CLBA1: variants seen among roughly 807,000 people sequenced by gnomAD.
The protein encoded by CLBA1 is clathrin binding box of aftiphilin containing 1.
CLBA1 carries 30 observed loss-of-function variants against 28.8 expected under a neutral mutation model. The ratio of observed to expected loss-of-function variants is 1.04; its 90% CI spans 0.78 to 1.41. The LOEUF is 1.41. CLBA1 is among the 40% of genes most tolerant of loss of function. The pLI, the probability that CLBA1 is intolerant of heterozygous loss-of-function variation, is 0.00. For missense variants in CLBA1, 451 were observed against 412.3 expected (o/e 1.09, Z -0.81); for synonymous variants, 160 against 152.8 (o/e 1.05, Z -0.35).
chr14:104,999,252 C>G (rs1303051366), downstream of CLBA1: 2 of 984,536 alleles, frequency 2.0e-6, no homozygotes, highest in East Asian at 2.3e-4. Context: ...ATCACCTGAC[C>G]TGAGTGACAC....
rs763494875 is a variant in CLBA1 at position 104,991,523 on chromosome 14, A to G, written c.602A>G (p.Gln201Arg). The G allele has an allele frequency of 7.4e-6, 12 of 1,614,114 alleles. No individual in the cohort carries two copies. The highest frequency in any genetic ancestry group is 1.0e-5 in the Non-Finnish European group (12 of 1,179,934). The change falls in exon 3 of 5, where the codon CAG becomes CGG. Residue 201 changes from glutamine to arginine, a missense_variant. Coordinates refer to ENST00000547315, the MANE Select transcript of CLBA1 (RefSeq NM_174891.4). ...TCCAGAAAACTCTGGAGAGCCCTTC[A>G]GAGCATACACACCACGTCTACTTCT... ...NESRKLWRALQSIHTTSTSQR... is the reference protein window; with the variant it reads ...NESRKLWRALRSIHTTSTSQR...
chr14:105,000,667 A>C (rs1169364052), intron 2 of CLBA1, among the ~76,000 whole-genome samples: 9 of 152,310 alleles, frequency 5.9e-5, no homozygotes, highest in African/African-American at 1.9e-4. Flanking sequence ...GCTCCATATC[A>C]GTAATCATCA....
At position 104,986,084 on chromosome 14, in the gene CLBA1, C is replaced by G. The variant is rs914398103; in HGVS notation, c.-348C>G. On this transcript the variant is annotated 5_prime_UTR_variant, in exon 1 of 5. Transcript: ENST00000547315. ...GCTCCTCTGGCCAGCGTGGGCCTCC[C>G]AGGCCCCCTCGCGGCTCTCTCCAGA... is the stretch of plus-strand genomic sequence containing the variant. The G allele has an allele frequency of 8.7e-5, 28 of 320,366 alleles. No individual in the cohort carries two copies. The highest frequency in any genetic ancestry group is 9.9e-4 in the Middle Eastern group (1 of 1,014). 19.8% of individuals were successfully genotyped at this position (320,366 alleles called of 1,614,324 possible). A position where few individuals can be genotyped will look rare whatever the true frequency, so the allele number is the denominator to read the frequency against.
At position 104,985,907 on chromosome 14, in the gene CLBA1, G is replaced by A. The variant is rs1899840707; in HGVS notation, c.-525G>A. ...GGTGCGGGGACTCTCGGGAGCCGTGGGCCAGGCGCTTAGCCGGCCACCTCG... is the reference window on the plus strand; with the variant it reads ...GGTGCGGGGACTCTCGGGAGCCGTGAGCCAGGCGCTTAGCCGGCCACCTCG... On this transcript the variant is annotated 5_prime_UTR_variant, in exon 1 of 5. Coordinates refer to ENST00000547315, the MANE Select transcript of CLBA1 (RefSeq NM_174891.4). The A allele has an allele frequency of 4.8e-6, 1 of 208,110 alleles. No homozygotes were observed. The highest frequency in any genetic ancestry group is 1.0e-5 in the Non-Finnish European group (1 of 97,388). 12.9% of individuals were successfully genotyped at this position (208,110 alleles called of 1,614,324 possible).
At chr14:104,988,087 CA>C (rs1899917796) in intron 1 of CLBA1, among the ~76,000 whole-genome samples, 1 of 151,498 alleles carries the variant, frequency 6.6e-6, no homozygotes, top group Non-Finnish European at 1.5e-5. Flanking sequence ...TGAAATTTCA[CA>C]AGAAAGAGTA....
chr14:104,988,396 A>G (rs1467273241), intron 1 of CLBA1, among the ~76,000 whole-genome samples: 1 of 149,838 alleles, frequency 6.7e-6, no homozygotes, highest in East Asian at 2.0e-4. Context: ...GCAGTGGCAC[A>G]ATCTCGGCTC....
intron 4 of CLBA1, chr14:104,993,720 G>A: frequency 5.1e-6 from 5 of 985,444 alleles, no homozygotes; most frequent in Non-Finnish European, 6.0e-6. Context: ...GAGATGGCCA[G>A]GCCTAGCTCA....
downstream of CLBA1, among the ~76,000 whole-genome samples, chr14:104,995,873 A>C (rs1265275740): frequency 2.6e-5 from 4 of 151,972 alleles, no homozygotes; most frequent in African/African-American, 9.7e-5. Context: ...TTTATTTTTC[A>C]TTTTCAGCCA....
chr14:104,993,273 G>A (rs1327596057), intron 4 of CLBA1: 4 of 985,416 alleles, frequency 4.1e-6, no homozygotes, highest in Non-Finnish European at 3.6e-6. Context: ...AATACCATCC[G>A]GAAAGACTCT....
intron 4 of CLBA1, chr14:104,993,493 ACCCT>A (rs1474313735): frequency 6.1e-6 from 6 of 985,230 alleles, no homozygotes. Context: ...CGGGCCGCTT[ACCCT>A]ACACAGGGTC....
Position 104,994,622 on chromosome 14 carries a change from CA to C in CLBA1, c.842del (p.Gln281ArgfsTer4), listed in dbSNP as rs1566934297. 6.2e-7 allele frequency: 1 copy of C among 1,611,694 alleles called. No individual in the cohort carries two copies. The highest frequency in any genetic ancestry group is 1.1e-5 in the South Asian group (1 of 91,028). On this transcript the variant is annotated frameshift_variant, in exon 5 of 5. Coordinates refer to ENST00000547315, the MANE Select transcript of CLBA1 (RefSeq NM_174891.4). LOFTEE classifies it low-confidence loss of function (END_TRUNC). Reference protein sequence around the residue: ...TKLSGPPGSKQGRLMTCSRFL... With the variant: ...TKLSGPPGSKXGRLMTCSRFL... ...GCTCTCGGGGCCGCCTGGCAGCAAA[CA>C]GGGGAGGCTGATGACATGCAGCCGC...
rs2140897125 is a variant in CLBA1, at chr14:104,991,507, C to T, written c.586C>T (p.Leu196Phe). Residue 196 changes from leucine (L) to phenylalanine (F), a missense_variant, in exon 3 of 5, where the codon CTC becomes TTC. By Grantham distance (22) the Leu-to-Phe change is conservative. Coordinates refer to ENST00000547315, the MANE Select transcript of CLBA1 (RefSeq NM_174891.4). ...GTTTTCCAGTAACGAATCCAGAAAACTCTGGAGAGCCCTTCAGAGCATACA... is the reference window on the plus strand; with the variant it reads ...GTTTTCCAGTAACGAATCCAGAAAATTCTGGAGAGCCCTTCAGAGCATACA... ...VHKLCNESRKLWRALQSIHTT... is the reference protein window; with the variant it reads ...VHKLCNESRKFWRALQSIHTT... 6.2e-7 allele frequency: 1 copy of T among 1,614,004 alleles called. No individual in the cohort carries two copies. Among genetic ancestry groups the T allele is most frequent in the Non-Finnish European group, 8.5e-7 (1 of 1,179,874 alleles).
At chr14:104,989,601 C>T (rs1429584368) in intron 2 of CLBA1, 1 of 456,084 alleles carries the variant, frequency 2.2e-6, no homozygotes, top group Non-Finnish European at 4.4e-6. Flanking sequence ...GAAAGTGCAC[C>T]CGCAGTCACT....
chr14:104,996,772 A>G (rs932932682), downstream of CLBA1, among the ~76,000 whole-genome samples: 2 of 152,140 alleles, frequency 1.3e-5, no homozygotes, highest in South Asian at 2.1e-4. Flanking sequence ...CACTGTGCTC[A>G]AAGCTCAGAC....
chr14:104,992,892 A>C, intron 3 of CLBA1, 56 bp from the exon 4 acceptor site: 1 of 1,383,934 alleles, frequency 7.2e-7, no homozygotes, highest in Non-Finnish European at 1.0e-6. Context: ...GGGGAAAAGG[A>C]AACAGGAGAC....
chr14:104,994,522 G>T (rs1900119642), intron 4 of CLBA1, 76 bp from the exon 5 acceptor site: 1 of 1,509,946 alleles, frequency 6.6e-7, no homozygotes, highest in South Asian at 1.3e-5. Context: ...GCAGGGGGCG[G>T]CCAGGGGCAA....
chr14:104,992,885 GA>G, intron 3 of CLBA1, 62 bp from the exon 4 acceptor site: 5 of 1,335,406 alleles, frequency 3.7e-6, no homozygotes, highest in Non-Finnish European at 5.4e-6. Flanking sequence ...GGGCTCAGGG[GA>G]AAAGGAAACA....
Position 104,994,655 on chromosome 14 carries a change from A to T in CLBA1, c.874A>T (p.Lys292Ter), listed in dbSNP as rs377495026. 7 of 1,613,960 alleles carry T rather than the reference A, an allele frequency of 4.3e-6. No individual in the cohort carries two copies. The highest frequency in any genetic ancestry group is 5.9e-6 in the Non-Finnish European group (7 of 1,179,986). ...GCTGATGACATGCAGCCGCTTCCTGAAGACCCCCTCATGCGGAGGTGGCCA... is the reference window on the plus strand; with the variant it reads ...GCTGATGACATGCAGCCGCTTCCTGTAGACCCCCTCATGCGGAGGTGGCCA... ...GRLMTCSRFL[K>*]TPSCGGGQHI... The change falls in exon 5 of 5, where the codon AAG becomes TAG. Residue 292 changes from lysine (K) to a stop codon, truncating the protein, a stop_gained. Coordinates refer to ENST00000547315, the MANE Select transcript of CLBA1 (RefSeq NM_174891.4). LOFTEE classifies it low-confidence loss of function (END_TRUNC).
Position 104,985,873 on chromosome 14 carries a change from AC to A in CLBA1, c.-557del. 5.9e-6 allele frequency: 1 copy of A among 169,456 alleles called. No individual in the cohort carries two copies. Among genetic ancestry groups the A allele is most frequent in the Non-Finnish European group, 1.1e-5 (1 of 91,872 alleles). 10.5% of individuals were successfully genotyped at this position (169,456 alleles called of 1,614,324 possible). A position where few individuals can be genotyped will look rare whatever the true frequency, so the allele number is the denominator to read the frequency against. ...CCCGCGCGGCCCCGCCGAGGCGGCG[AC>A]CAAGGTGGGTGCGGGGACTCTCGGG... On this transcript the variant is annotated 5_prime_UTR_variant, in exon 1 of 5. Transcript: ENST00000547315.
Sources: allele counts gnomAD v4.1 joint callset (sites outside exome capture counted in the v4.1 genomes callset), GRCh38; gene constraint gnomAD v4.1.1; transcripts MANE v1.5; gene names NCBI Gene and HGNC (gene_info 2026-07-23, HGNC 2026-07-21).